Variants in FTO observed in about 807,000 individuals in gnomAD.
FTO encodes FTO alpha-ketoglutarate dependent dioxygenase, also known as alpha-ketoglutarate-dependent dioxygenase FTO.
FTO carries 47 observed loss-of-function variants against 63.9 expected under a neutral mutation model. The observed-to-expected ratio is 0.74, with a 90% CI of 0.58 to 0.94. FTO has a LOEUF of 0.94. Among genes scored for constraint, FTO ranks in the 40% least tolerant of loss-of-function variants. FTO has a pLI of 0.00. For missense variants in FTO, 562 were observed against 618.1 expected (o/e 0.91, Z 0.96); for synonymous variants, 207 against 224.4 (o/e 0.92, Z 0.69).
intron 1 of FTO, among the ~76,000 whole-genome samples, chr16:53,708,221 C>G (rs1405542044): frequency 6.6e-6 from 1 of 152,154 alleles, no homozygotes; most frequent in African/African-American, 2.4e-5. Flanking sequence ...CTAAAATTAG[C>G]CAGGAGTGGT....
intron 6 of FTO, among the ~76,000 whole-genome samples, chr16:53,888,322 G>A (rs919279178): frequency 1.2e-5 from 1 of 83,902 alleles, no homozygotes; most frequent in East Asian, 7.2e-4. Context: ...TCTTGCCTCA[G>A]CCTCCCAAGC....
intron 8 of FTO, chr16:53,994,160 A>C (rs1489214646): frequency 6.6e-6 from 1 of 152,276 alleles, no homozygotes; most frequent in South Asian, 2.1e-4. Context: ...TTCAGGTTTT[A>C]AAAGTCCTTA....
intron 8 of FTO, among the ~76,000 whole-genome samples, chr16:54,006,829 C>T (rs1235165397): frequency 1.3e-5 from 2 of 152,170 alleles, no homozygotes; most frequent in African/African-American, 4.8e-5. Flanking sequence ...AGTCATCAGC[C>T]TGGAGTATGT....
At chr16:53,893,221 C>T (rs1400882231) in intron 7 of FTO, among the ~76,000 whole-genome samples, 1 of 152,144 alleles carries the variant, frequency 6.6e-6, no homozygotes, top group African/African-American at 2.4e-5. Context: ...CTGGCCTTTC[C>T]CCTCCTCTTT....
chr16:54,097,740 A>G (rs1174614939), intron 8 of FTO, among the ~76,000 whole-genome samples: 2 of 152,218 alleles, frequency 1.3e-5, no homozygotes, highest in South Asian at 4.1e-4. Context: ...GTGTGCACAC[A>G]CAGACACACA....
intron 8 of FTO, among the ~76,000 whole-genome samples, chr16:54,037,339 A>G (rs532317111): frequency 6.6e-6 from 1 of 152,340 alleles, no homozygotes; most frequent in South Asian, 2.1e-4. Context: ...TTAAAGAGTA[A>G]GTTGAAGTAC....
chr16:53,904,175 A>G (rs1332555107), intron 7 of FTO, among the ~76,000 whole-genome samples: 1 of 152,056 alleles, frequency 6.6e-6, no homozygotes, highest in African/African-American at 2.4e-5. Context: ...GCAGTGTATC[A>G]TCAGACTTTT....
intron 8 of FTO, among the ~76,000 whole-genome samples, chr16:53,959,131 T>G (rs565110265): frequency 1.1e-4 from 16 of 152,340 alleles, no homozygotes; most frequent in Admixed American, 8.5e-4. Flanking sequence ...TTATTATCTC[T>G]AATTTTAAGA....
chr16:53,712,114 C>T (rs1024310584), intron 1 of FTO, among the ~76,000 whole-genome samples: 7 of 152,072 alleles, frequency 4.6e-5, no homozygotes, highest in Non-Finnish European at 1.0e-4. Context: ...AACAATAACT[C>T]AACAAAAGAA....
At chr16:53,938,933 CAAA>C (rs75389919) in intron 8 of FTO, among the ~76,000 whole-genome samples, 1 of 125,286 alleles carries the variant, frequency 8.0e-6, no homozygotes. Context: ...ACTAAAAATA[CAAA>C]AAAAAAAAAA....
chr16:53,998,118 C>A lies in FTO; in HGVS notation c.1364+64009C>A, dbSNP rs182789476. Reference sequence around the variant, plus strand: ...AGACCGCTCTTTCAGAAAACTTGACCGAGAAGGGAAGTACGCTTCTAGGGT... The same window carrying A: ...AGACCGCTCTTTCAGAAAACTTGACAGAGAAGGGAAGTACGCTTCTAGGGT... On this transcript the variant is annotated intron_variant, in intron 8 of 8. Coordinates refer to ENST00000471389, the MANE Select transcript of FTO (RefSeq NM_001080432.3). 4.6e-5 allele frequency among the ~76,000 whole-genome samples: 7 copies of A among 152,108 alleles called. No homozygotes were observed. In the East Asian group the frequency reaches 7.8e-4, roughly 17 times the overall value.
At chr16:53,973,954 G>A (rs554402365) in intron 8 of FTO, among the ~76,000 whole-genome samples, 1 of 152,308 alleles carries the variant, frequency 6.6e-6, no homozygotes, top group East Asian at 1.9e-4. Flanking sequence ...ATAAGCTCTA[G>A]CCAATGGCTT....
chr16:54,005,931 T>A, intron 8 of FTO, among the ~76,000 whole-genome samples: 1 of 152,202 alleles, frequency 6.6e-6, no homozygotes, highest in East Asian at 1.9e-4. Context: ...GTTTTTTGTT[T>A]TTTACTGTAT....
chr16:53,965,364 C>T (rs2083175822), intron 8 of FTO, among the ~76,000 whole-genome samples: 1 of 152,102 alleles, frequency 6.6e-6, no homozygotes, highest in African/African-American at 2.4e-5. Context: ...TTTTATAAAA[C>T]GTCCCATCAT....
At chr16:53,794,500 A>G (rs555576479) in intron 1 of FTO, among the ~76,000 whole-genome samples, 85 of 152,312 alleles carry the variant, frequency 5.6e-4, no homozygotes, top group African/African-American at 1.9e-3. Flanking sequence ...CTAGGACTGA[A>G]AGTTTACCAC....
intron 4 of FTO, among the ~76,000 whole-genome samples, chr16:53,872,199 C>T (rs748616158): frequency 1.9e-4 from 29 of 152,176 alleles, no homozygotes; most frequent in Non-Finnish European, 2.4e-4. Flanking sequence ...ATACTCCTGG[C>T]TGTGTGTGAA....
chr16:53,729,136 T>C (rs2076214545), intron 1 of FTO, among the ~76,000 whole-genome samples: 1 of 152,114 alleles, frequency 6.6e-6, no homozygotes, highest in Non-Finnish European at 1.5e-5. Context: ...CCTTCTTTCA[T>C]CTCTTCATCT....
intron 1 of FTO, among the ~76,000 whole-genome samples, chr16:53,710,297 G>A (rs545931953): frequency 8.6e-4 from 115 of 134,128 alleles, no homozygotes; most frequent in Non-Finnish European, 1.5e-3. Flanking sequence ...ACCAAGTCTC[G>A]CTCTGTTGCC....
chr16:53,914,477 G>T (rs2081807333), intron 7 of FTO, among the ~76,000 whole-genome samples: 1 of 151,874 alleles, frequency 6.6e-6, no homozygotes, highest in Non-Finnish European at 1.5e-5. Flanking sequence ...TTAAAGAATT[G>T]TACTCTCTAA....
Sources: allele counts gnomAD v4.1 joint callset (sites outside exome capture counted in the v4.1 genomes callset), GRCh38; gene constraint gnomAD v4.1.1; transcripts MANE v1.5; gene names NCBI Gene and HGNC (gene_info 2026-07-23, HGNC 2026-07-21).